Variants in TNRC6A observed in about 807,000 individuals in gnomAD.
TNRC6A encodes the protein trinucleotide repeat-containing gene 6A protein.
TNRC6A carries 44 observed loss-of-function variants against 221.2 expected under a neutral mutation model. The observed-to-expected ratio is 0.20, with a 90% confidence interval of 0.16 to 0.26. The LOEUF (loss-of-function observed/expected upper bound fraction) is 0.26, where lower values mean the gene tolerates loss of function less well. TNRC6A is among the 10% of genes least tolerant of loss of function. TNRC6A has a pLI of 1.00. For synonymous variants in TNRC6A, 847 were observed against 838.5 expected, an observed-to-expected ratio of 1.01 and a Z score of -0.18; for missense variants, 2,199 against 2,404.4, an observed-to-expected ratio of 0.91 and a Z score of 1.79.
intron 5 of TNRC6A, among the ~76,000 whole-genome samples, chr16:24,779,108 CAA>C (rs1467714047): frequency 6.6e-6 from 1 of 152,098 alleles, no homozygotes; most frequent in East Asian, 1.9e-4. Flanking sequence ...TCAAAAATAT[CAA>C]AAGTGTTACA....
chr16:24,736,528 G>A (rs571990726), intron 2 of TNRC6A, among the ~76,000 whole-genome samples: 2 of 152,202 alleles, frequency 1.3e-5, no homozygotes, highest in African/African-American at 4.8e-5. Flanking sequence ...GCATTTTCCT[G>A]CCCTTTTCTG....
intron 17 of TNRC6A, among the ~76,000 whole-genome samples, chr16:24,808,351 G>A (rs1018633692): frequency 2.0e-5 from 3 of 152,134 alleles, no homozygotes; most frequent in Admixed American, 6.5e-5. Flanking sequence ...ATCTAAGTTC[G>A]GCAACAGGCT....
intron 18 of TNRC6A, among the ~76,000 whole-genome samples, 191 bp from the exon 19 acceptor site, chr16:24,814,956 A>T (rs1385333076): frequency 6.6e-6 from 1 of 152,214 alleles, no homozygotes; most frequent in Non-Finnish European, 1.5e-5. Context: ...CTTAAAATGA[A>T]ATTCACAGTT....
chr16:24,812,958 C>T (rs1415718956), intron 18 of TNRC6A, among the ~76,000 whole-genome samples: 1 of 144,514 alleles, frequency 6.9e-6, no homozygotes, highest in Non-Finnish European at 1.5e-5. Flanking sequence ...TCACTGCAGC[C>T]TTGACCTCCC....
chr16:24,640,660 C>T (rs566082400), intron 1 of TNRC6A, among the ~76,000 whole-genome samples: 5 of 146,292 alleles, frequency 3.4e-5, no homozygotes, highest in South Asian at 2.1e-4. Flanking sequence ...GCCCGGGAGG[C>T]GGAAGTTGCA....
chr16:24,696,025 G>GA (rs1168220877), intron 2 of TNRC6A, among the ~76,000 whole-genome samples: 2 of 152,192 alleles, frequency 1.3e-5, no homozygotes, highest in Admixed American at 1.3e-4. Flanking sequence ...TGGTGGAGAG[G>GA]AAAAAACTCC....
At chr16:24,761,912 A>G (rs1437418593) in intron 4 of TNRC6A, among the ~76,000 whole-genome samples, 2 of 151,894 alleles carry the variant, frequency 1.3e-5, no homozygotes, top group Non-Finnish European at 2.9e-5. Context: ...TTGACAGCTA[A>G]TTTTCTCTCT....
chr16:24,662,947 A>G (rs1186219814), intron 2 of TNRC6A: 1 of 153,734 alleles, frequency 6.5e-6, no homozygotes, highest in Non-Finnish European at 1.5e-5. Context: ...GGAGAAAGTC[A>G]TTTTCATCAG....
At chr16:24,729,076 G>A (rs1214851683), upstream of TNRC6A, among the ~76,000 whole-genome samples, 2 of 151,984 alleles carry the variant, frequency 1.3e-5, no homozygotes, top group Non-Finnish European at 2.9e-5. Context: ...TATTTCCTGA[G>A]CAGAAAATCC....
chr16:24,818,472 G>T, intron 20 of TNRC6A, 121 bp from the exon 21 acceptor site: 1 of 746,760 alleles, frequency 1.3e-6, no homozygotes, highest in South Asian at 1.6e-5. Context: ...ATCTTACCCT[G>T]AGTGGACCTG....
At position 24,788,927 on chromosome 16, in the gene TNRC6A, C is replaced by A. The variant is rs1253105994; in HGVS notation, c.590-305C>A. The stretch of plus-strand genomic sequence containing the variant: ...CCTTCCAGAGTGCTGGGATTACAAG[C>A]GTGAGCCACCACGCCCGGCCCAAAA... On this transcript the variant is annotated intron_variant, in intron 5 of 24. Coordinates refer to ENST00000395799, the MANE Select transcript of TNRC6A (RefSeq NM_014494.4). Among the ~76,000 whole-genome samples, 5 of 152,298 alleles carry A rather than the reference C, an allele frequency of 3.3e-5. No individual in the cohort carries two copies. In the East Asian group the frequency reaches 9.6e-4, roughly 29 times the overall value.
At chr16:24,635,017 C>T (rs1901552580) in intron 1 of TNRC6A, among the ~76,000 whole-genome samples, 1 of 152,146 alleles carries the variant, frequency 6.6e-6, no homozygotes, top group Non-Finnish European at 1.5e-5. Flanking sequence ...TGGTCTTGAA[C>T]TCCTGCCTCA....
In TNRC6A at chr16:24,716,219, G is replaced by A. The variant is rs72768660; in HGVS notation, n.403-34507G>A. 9.8e-3 allele frequency among the ~76,000 whole-genome samples: 1,498 copies of A among 152,182 alleles called. 13 individuals carry two copies. Among genetic ancestry groups the A allele is most frequent in the Middle Eastern group, 0.041 (12 of 294 alleles). ...CACCTCATTTCTTTCCCATCTCTTGGGGCTCACTGTCCTCCTTTGCTTGAT... is the reference window on the plus strand; with the variant it reads ...CACCTCATTTCTTTCCCATCTCTTGAGGCTCACTGTCCTCCTTTGCTTGAT... On this transcript the variant is annotated intron_variant and non_coding_transcript_variant, in intron 2 of 2. Coordinates refer to the TNRC6A transcript ENST00000566108.
chr16:24,799,214 C>T (rs879307562), intron 11 of TNRC6A, among the ~76,000 whole-genome samples: 1 of 151,860 alleles, frequency 6.6e-6, no homozygotes, highest in Non-Finnish European at 1.5e-5. Flanking sequence ...TGCTAGCTGG[C>T]GAAGGAAAAA....
intron 15 of TNRC6A, 70 bp downstream of exon 15, chr16:24,805,803 T>C: frequency 6.3e-7 from 1 of 1,597,110 alleles, no homozygotes; most frequent in East Asian, 2.2e-5. Flanking sequence ...CACTAGACTC[T>C]GTGCGGGACA....
chr16:24,715,284 A>T (rs1313399397), intron 2 of TNRC6A, among the ~76,000 whole-genome samples: 2 of 152,124 alleles, frequency 1.3e-5, no homozygotes, highest in African/African-American at 4.8e-5. Context: ...TTTATTGTCC[A>T]GGATGGTCTT....
At chr16:24,814,459 A>G (rs1296164266) in intron 18 of TNRC6A, among the ~76,000 whole-genome samples, 3 of 120,648 alleles carry the variant, frequency 2.5e-5, no homozygotes, top group African/African-American at 1.1e-4. Flanking sequence ...CCCAGGCTAG[A>G]GTGCAGTGGC....
chr16:24,771,549 G>GTTATGTTATGTTATGTTATGTTATGTT (rs2057595498), intron 4 of TNRC6A, among the ~76,000 whole-genome samples: 1 of 101,050 alleles, frequency 9.9e-6, no homozygotes, highest in Non-Finnish European at 1.9e-5. Context: ...GTTATGTTAT[G>GTTATGTTATGTTATGTTATGTTATGTT]TTATGTTATG....
intron 2 of TNRC6A, among the ~76,000 whole-genome samples, chr16:24,738,900 C>G (rs2056831126): frequency 6.6e-6 from 1 of 152,212 alleles, no homozygotes; most frequent in Non-Finnish European, 1.5e-5. Flanking sequence ...GTTGCCCAGG[C>G]TGACGTTCAG....
Sources: allele counts gnomAD v4.1 joint callset (sites outside exome capture counted in the v4.1 genomes callset), GRCh38; gene constraint gnomAD v4.1.1; transcripts MANE v1.5; gene names NCBI Gene and HGNC (gene_info 2026-07-23, HGNC 2026-07-21).